The following LYPD6B variants were observed in gnomAD, a reference collection of about 807,000 sequenced individuals.
LYPD6B encodes the protein ly6/PLAUR domain-containing protein 6B.
In LYPD6B, 17 loss-of-function variants were observed where a neutral mutation model predicts 22.8. The observed-to-expected ratio is 0.75, with a 90% CI of 0.51 to 1.12. The LOEUF is 1.12. LYPD6B is among the 50% of genes most tolerant of loss of function. The probability of loss-of-function intolerance (pLI) is 0.00; values close to 1 mark genes in which losing one functional copy is unlikely to be tolerated. For synonymous variants in LYPD6B, 106 were observed against 91.6 expected, an observed-to-expected ratio of 1.16 and a Z score of -0.90; for missense variants, 221 against 258.3, an observed-to-expected ratio of 0.86 and a Z score of 0.99.
chr2:149,079,743 T>C (rs1558985253), intron 1 of LYPD6B, among the ~76,000 whole-genome samples: 1 of 152,178 alleles, frequency 6.6e-6, no homozygotes, highest in Non-Finnish European at 1.5e-5. Context: ...GGCTTAGATT[T>C]CTAGGGTTAG....
At chr2:149,131,005 T>A in intron 2 of LYPD6B, 52 bp downstream of exon 2, 1 of 1,292,036 alleles carries the variant, frequency 7.7e-7, no homozygotes, top group Non-Finnish European at 1.1e-6. Context: ...TATTTAACTA[T>A]AAATGCTTAC....
intron 1 of LYPD6B, among the ~76,000 whole-genome samples, chr2:149,044,174 G>A (rs1037684570): frequency 6.6e-6 from 1 of 151,912 alleles, no homozygotes; most frequent in Non-Finnish European, 1.5e-5. Flanking sequence ...AATCCTCCTA[G>A]GATTTTGAAT....
intron 3 of LYPD6B, among the ~76,000 whole-genome samples, chr2:149,191,484 A>C (rs1692485699): frequency 6.6e-6 from 1 of 152,174 alleles, no homozygotes; most frequent in African/African-American, 2.4e-5. Context: ...GATATAACAA[A>C]TTCTTATATG....
In LYPD6B at chr2:149,066,343, C is replaced by T. The variant is rs1232255169; in HGVS notation, c.-67+27542C>T. On this transcript the variant is annotated intron_variant, in intron 1 of 6. Transcript: ENST00000409642. ...CCTCCCCCGTCCCCCCACCCCACAA[C>T]AGGCCCCGGTGTGTGATGTTCCCCT... 1.5e-3 allele frequency among the ~76,000 whole-genome samples: 224 copies of T among 148,236 alleles called. 3 individuals carry two copies. Among genetic ancestry groups the T allele is most frequent in the Non-Finnish European group, 1.8e-4 (12 of 67,102 alleles).
At chr2:149,062,726 C>T (rs1163152678) in intron 1 of LYPD6B, among the ~76,000 whole-genome samples, 1 of 151,944 alleles carries the variant, frequency 6.6e-6, no homozygotes, top group African/African-American at 2.4e-5. Context: ...CAGATAATGA[C>T]AAATCGTTGC....
chr2:149,211,117 C>T (rs1166693897), intron 5 of LYPD6B, among the ~76,000 whole-genome samples: 2 of 152,060 alleles, frequency 1.3e-5, no homozygotes, highest in African/African-American at 4.8e-5. Flanking sequence ...AGGTGCTACA[C>T]AGTTTTAGAC....
At chr2:149,042,705 C>A (rs981052175) in intron 1 of LYPD6B, among the ~76,000 whole-genome samples, 1 of 151,762 alleles carries the variant, frequency 6.6e-6, no homozygotes, top group Non-Finnish European at 1.5e-5. Context: ...ATAAGTCAGG[C>A]GGTGAGAAGT....
Position 149,190,162 on chromosome 2 carries a change from A to T in LYPD6B, c.78-15091A>T, listed in dbSNP as rs76665857. 4.7e-3 allele frequency among the ~76,000 whole-genome samples: 716 copies of T among 152,278 alleles called. 8 individuals carry two copies. The highest frequency in any genetic ancestry group is 0.017 in the African/African-American group (690 of 41,550). On this transcript the variant is annotated intron_variant, in intron 3 of 6. Transcript: ENST00000409642. ...CTAGGTATTCTTACTGAGTATATTT[A>T]TCCATATATGAGTAAACACATATAG...
intron 4 of LYPD6B, among the ~76,000 whole-genome samples, chr2:149,207,094 C>T (rs933821306): frequency 6.6e-6 from 1 of 152,050 alleles, no homozygotes; most frequent in African/African-American, 2.4e-5. Context: ...AACCATTTAC[C>T]TACCAGCATT....
intron 4 of LYPD6B, among the ~76,000 whole-genome samples, chr2:149,206,725 C>A (rs927591950): frequency 6.6e-6 from 1 of 152,008 alleles, no homozygotes; most frequent in African/African-American, 2.4e-5. Flanking sequence ...TGGAATATTT[C>A]CTTCCAGTAT....
At chr2:149,177,846 T>C (rs1375541690) in intron 3 of LYPD6B, among the ~76,000 whole-genome samples, 1 of 151,856 alleles carries the variant, frequency 6.6e-6, no homozygotes, top group Non-Finnish European at 1.5e-5. Context: ...TTTTTTTTTT[T>C]TTTTTTTGTA....
At chr2:149,198,102 G>T (rs1027888997) in intron 3 of LYPD6B, among the ~76,000 whole-genome samples, 1 of 151,698 alleles carries the variant, frequency 6.6e-6, no homozygotes, top group East Asian at 1.9e-4. Context: ...GAGTGCAGTG[G>T]CATGACCTCG....
intron 3 of LYPD6B, among the ~76,000 whole-genome samples, chr2:149,176,489 G>A (rs184424550): frequency 6.6e-6 from 1 of 152,196 alleles, no homozygotes; most frequent in East Asian, 1.9e-4. Flanking sequence ...AGTGTGGCAG[G>A]GTATTGCAAG....
chr2:149,114,478 A>G (rs559925204), intron 1 of LYPD6B, among the ~76,000 whole-genome samples: 1 of 152,352 alleles, frequency 6.6e-6, no homozygotes, highest in African/African-American at 2.4e-5. Context: ...GGCTTAACAC[A>G]GAAGTCATGA....
At chr2:149,152,050 T>C (rs962577489) in intron 2 of LYPD6B, among the ~76,000 whole-genome samples, 20 of 152,200 alleles carry the variant, frequency 1.3e-4, no homozygotes, top group African/African-American at 4.8e-4. Flanking sequence ...AAGATCTATT[T>C]TAAGTTCTAC....
At chr2:149,145,491 T>A (rs1308975813) in intron 2 of LYPD6B, among the ~76,000 whole-genome samples, 3 of 152,310 alleles carry the variant, frequency 2.0e-5, no homozygotes, top group African/African-American at 7.2e-5. Context: ...CACACTGGGA[T>A]GCTTTATTGT....
intron 2 of LYPD6B, among the ~76,000 whole-genome samples, chr2:149,144,639 A>C (rs1688902826): frequency 6.6e-6 from 1 of 152,172 alleles, no homozygotes; most frequent in Admixed American, 6.5e-5. Context: ...TCATCCGCCC[A>C]CCTCAGCCTC....
At chr2:149,067,003 TCTTTA>T (rs891153553) in intron 1 of LYPD6B, among the ~76,000 whole-genome samples, 1 of 152,174 alleles carries the variant, frequency 6.6e-6, no homozygotes, top group African/African-American at 2.4e-5. Context: ...ATTGTAGCTA[TCTTTA>T]CTTCCATGAG....
chr2:149,047,796 C>T (rs1203099240), intron 1 of LYPD6B, among the ~76,000 whole-genome samples: 1 of 152,106 alleles, frequency 6.6e-6, no homozygotes, highest in East Asian at 1.9e-4. Flanking sequence ...CTTGGGCACT[C>T]CATTCGTTTT....
Sources: allele counts gnomAD v4.1 joint callset (sites outside exome capture counted in the v4.1 genomes callset), GRCh38; gene constraint gnomAD v4.1.1; transcripts MANE v1.5; gene names NCBI Gene and HGNC (gene_info 2026-07-23, HGNC 2026-07-21).